CSMD3: variants seen among roughly 807,000 people sequenced by gnomAD.
The protein encoded by CSMD3 is CUB and sushi domain-containing protein 3.
Under a neutral mutation model 435.2 loss-of-function variants are expected in CSMD3, and 177 were observed. The observed-to-expected ratio is 0.41, with a 90% confidence interval of 0.36 to 0.46. The LOEUF (loss-of-function observed/expected upper bound fraction) is 0.46. CSMD3 is among the 20% of genes least tolerant of loss of function. The probability of loss-of-function intolerance (pLI) is 0.34; values close to 1 mark genes in which losing one functional copy is unlikely to be tolerated. For synonymous variants in CSMD3, 1,656 were observed against 1,520.5 expected (o/e 1.09, Z -2.07); for missense variants, 4,265 against 4,504.6 (o/e 0.95, Z 1.52).
chr8:112,420,628 T>C (rs2130268820), intron 32 of CSMD3, among the ~76,000 whole-genome samples: 1 of 152,098 alleles, frequency 6.6e-6, no homozygotes, highest in Admixed American at 6.6e-5. Context: ...AAAAAATGAG[T>C]CTTTTAAAGC....
rs1338069090 is a variant in CSMD3 at position 113,173,831 on chromosome 8, G to C, written c.600C>G (p.Ile200Met). Reference sequence around the variant, plus strand: ...TGTATCCAGTTACACAGCTGTAGCGGATCTTGTCCCCGACGTCGAATCTTG... The same window carrying C: ...TGTATCCAGTTACACAGCTGTAGCGCATCTTGTCCCCGACGTCGAATCTTG... Reference protein sequence around the residue: ...YGTRFDVGDKIRYSCVTGYIL... With the variant: ...YGTRFDVGDKMRYSCVTGYIL... The change falls in exon 4 of 71, where the codon ATC becomes ATG. Residue 200 changes from isoleucine to methionine, a missense_variant. By Grantham distance (10) the Ile-to-Met change is conservative. Around this residue, in one of 3 missense-constraint regions of CSMD3, gnomAD observed 731 missense variants for 755.4 expected, o/e 0.97. Coordinates refer to ENST00000297405, the MANE Select transcript of CSMD3 (RefSeq NM_198123.2). 6.2e-7 allele frequency: 1 copy of C among 1,613,852 alleles called. No homozygotes were observed. Among genetic ancestry groups the C allele is most frequent in the Non-Finnish European group, 8.5e-7 (1 of 1,179,816 alleles).
chr8:112,513,071 G>A lies in CSMD3; in HGVS notation c.4756+3963C>T, dbSNP rs1369037310. 5.3e-5 allele frequency among the ~76,000 whole-genome samples: 8 copies of A among 152,118 alleles called. No homozygotes were observed. In the East Asian group the frequency reaches 1.5e-3, roughly 29 times the overall value. ...TTTGGCTTATGGGAATGTTGTGGCT[G>A]GTTTGATCTTCTATTCAGACCACTG... On this transcript the variant is annotated intron_variant, in intron 28 of 70. Coordinates refer to ENST00000297405, the MANE Select transcript of CSMD3 (RefSeq NM_198123.2).
chr8:113,209,922 C>A (rs1439123889), intron 3 of CSMD3, among the ~76,000 whole-genome samples: 1 of 150,572 alleles, frequency 6.6e-6, no homozygotes, highest in Non-Finnish European at 1.5e-5. Context: ...TTTAAAAATG[C>A]CTGTATTTTC....
At chr8:112,831,144 A>G (rs2079859531) in intron 11 of CSMD3, among the ~76,000 whole-genome samples, 1 of 152,176 alleles carries the variant, frequency 6.6e-6, no homozygotes, top group African/African-American at 2.4e-5. Flanking sequence ...ATTTGCATTG[A>G]CTAAAACAAT....
At chr8:113,283,861 A>T (rs1563649926) in intron 2 of CSMD3, among the ~76,000 whole-genome samples, 1 of 152,188 alleles carries the variant, frequency 6.6e-6, no homozygotes, top group East Asian at 1.9e-4. Context: ...GGATAAAGAA[A>T]CTGCGATATA....
chr8:112,359,003 T>C (rs568221712), intron 38 of CSMD3, among the ~76,000 whole-genome samples: 190 of 152,314 alleles, frequency 1.2e-3, no homozygotes, highest in Non-Finnish European at 2.2e-3. Flanking sequence ...AAATGATTCA[T>C]TGAAAGCCTT....
chr8:112,513,919 A>G lies in CSMD3; in HGVS notation c.4756+3115T>C, dbSNP rs572562937. Among the ~76,000 whole-genome samples the G allele has an allele frequency of 1.4e-4, 21 of 152,294 alleles. No homozygotes were observed. The Middle Eastern group carries it at 0.02, about 148-fold the overall frequency. On this transcript the variant is annotated intron_variant, in intron 28 of 70. Transcript: ENST00000297405. ...GGTCTTTTTTATTGTTAGAAACAGT[A>G]TAGAGATGCATACATACATGTAGAT...
At chr8:112,303,965 C>T (rs1429818095) in intron 52 of CSMD3, among the ~76,000 whole-genome samples, 2 of 152,086 alleles carry the variant, frequency 1.3e-5, no homozygotes, top group East Asian at 1.9e-4. Flanking sequence ...TTTCCTGAAA[C>T]AAAACAGACA....
intron 13 of CSMD3, among the ~76,000 whole-genome samples, chr8:112,781,706 C>T (rs1039014228): frequency 6.6e-5 from 10 of 152,062 alleles, no homozygotes; most frequent in Non-Finnish European, 1.2e-4. Context: ...CATCCCTCCA[C>T]CAACTGCAGG....
chr8:113,397,023 T>A (rs945572655), intron 1 of CSMD3, among the ~76,000 whole-genome samples: 1 of 152,152 alleles, frequency 6.6e-6, no homozygotes, highest in East Asian at 1.9e-4. Context: ...AATATTTATT[T>A]TAAGTATAAA....
rs2083554716 is a variant in CSMD3 at position 112,944,808 on chromosome 8, G to T, written c.1508+2982C>A. Reference sequence around the variant, plus strand: ...TCTGGTCTCTCATGAGCAGGATTTGGCAGCTCCTTGTATTCTATCAGTTCG... The same window carrying T: ...TCTGGTCTCTCATGAGCAGGATTTGTCAGCTCCTTGTATTCTATCAGTTCG... On this transcript the variant is annotated intron_variant, in intron 9 of 70. Coordinates refer to ENST00000297405, the MANE Select transcript of CSMD3 (RefSeq NM_198123.2). Among the ~76,000 whole-genome samples, 2 of 151,494 alleles carry T rather than the reference G, an allele frequency of 1.3e-5. 1 individual carries two copies. The highest frequency in any genetic ancestry group is 1.3e-4 in the Admixed American group (2 of 15,122).
intron 38 of CSMD3, 63 bp downstream of exon 38, chr8:112,380,289 A>G: frequency 3.3e-6 from 3 of 902,570 alleles, no homozygotes; most frequent in South Asian, 2.8e-5. Flanking sequence ...ATCAACAAAA[A>G]TATTTTTAAT....
intron 13 of CSMD3, among the ~76,000 whole-genome samples, chr8:112,741,794 A>AAGATAGATAGATAGAT (rs3039663): frequency 0.074 from 11,121 of 149,388 alleles, 464 homozygotes; most frequent in Admixed American, 0.11. Flanking sequence ...AGATAGAGAG[A>AAGATAGATAGATAGAT]AGATAGATAG....
Position 112,310,996 on chromosome 8 carries a change from G to A in CSMD3, c.7867C>T (p.Pro2623Ser), listed in dbSNP as rs2130812707. 1 of 1,613,738 alleles carries A rather than the reference G, an allele frequency of 6.2e-7. No homozygotes were observed. The highest frequency in any genetic ancestry group is 8.5e-7 in the Non-Finnish European group (1 of 1,179,748). The change falls in exon 50 of 71, where the codon CCA becomes TCA. Residue 2623 changes from proline (P) to serine (S), a missense_variant. Pro to Ser is a moderately conservative substitution (Grantham distance 74). This residue lies in a region of CSMD3 where 3,255 missense variants were observed against 3,380.2 expected (regional missense o/e 0.96). Transcript: ENST00000297405. ...ACTTCACCTTGACAGGCAGGGACTG[G>A]CGCATCCCATGCATGATACCCATAG... is the stretch of plus-strand genomic sequence containing the variant. ...SSYGYHAWDAPVPACQAISCG... is the reference protein window; with the variant it reads ...SSYGYHAWDASVPACQAISCG...
chr8:112,928,782 T>C (rs959464282), intron 9 of CSMD3, among the ~76,000 whole-genome samples: 14 of 150,368 alleles, frequency 9.3e-5, no homozygotes, highest in African/African-American at 3.2e-4. Context: ...GCATGATTTA[T>C]AGTCCTTTGG....
chr8:112,499,040 T>G (rs1165301305), intron 30 of CSMD3, among the ~76,000 whole-genome samples: 2 of 152,130 alleles, frequency 1.3e-5, no homozygotes, highest in Non-Finnish European at 2.9e-5. Context: ...TTAAGAAACT[T>G]GTATTTTAGA....
intron 13 of CSMD3, among the ~76,000 whole-genome samples, chr8:112,780,148 C>T (rs1365527136): frequency 1.3e-5 from 2 of 151,954 alleles, no homozygotes; most frequent in Admixed American, 6.6e-5. Flanking sequence ...TACAGTAACG[C>T]AAATGTATTT....
intron 10 of CSMD3, 43 bp from the exon 11 acceptor site, chr8:112,859,309 T>A (rs745408091): frequency 1.3e-6 from 2 of 1,550,394 alleles, no homozygotes; most frequent in Non-Finnish European, 1.8e-6. Flanking sequence ...ATATGTCACA[T>A]GTAAAATTAC....
chr8:113,086,198 G>A (rs1269161814), intron 5 of CSMD3, among the ~76,000 whole-genome samples: 3 of 150,488 alleles, frequency 2.0e-5, no homozygotes, highest in Admixed American at 6.6e-5. Flanking sequence ...GAAGTGAGCC[G>A]AGATCGCGCC....
Sources: allele counts gnomAD v4.1 joint callset (sites outside exome capture counted in the v4.1 genomes callset), GRCh38; gene constraint gnomAD v4.1.1; regional missense constraint gnomAD v4.1.1; transcripts MANE v1.5; gene names NCBI Gene and HGNC (gene_info 2026-07-23, HGNC 2026-07-21).